Variants in ZC3H3 observed in about 807,000 individuals in gnomAD.
The protein encoded by ZC3H3 is zinc finger CCCH domain-containing protein 3.
A neutral mutation model predicts 77.3 loss-of-function variants in ZC3H3; 36 were observed. That is an observed-to-expected ratio of 0.47 (90% CI 0.36 to 0.61). The LOEUF (loss-of-function observed/expected upper bound fraction) is 0.61, where lower values mean the gene tolerates loss of function less well. Ranked by LOEUF, ZC3H3 falls within the 20% of genes least tolerant of loss-of-function variation. ZC3H3 has a pLI of 0.00. For missense variants in ZC3H3, 1,331 were observed against 1,312.2 expected, an observed-to-expected ratio of 1.01 and a Z score of -0.22; for synonymous variants, 626 against 555.2, an observed-to-expected ratio of 1.13 and a Z score of -1.79.
At chr8:143,439,671 A>G (rs1373407904) in intron 11 of ZC3H3, among the ~76,000 whole-genome samples, 1 of 152,224 alleles carries the variant, frequency 6.6e-6, no homozygotes, top group African/African-American at 2.4e-5. Flanking sequence ...GGCCACCGCT[A>G]CACTCGCACC....
rs1424206386 is a variant in ZC3H3, at chr8:143,541,442, G to T, written c.-21C>A. The T allele has an allele frequency of 5.6e-6, 9 of 1,611,572 alleles. No homozygotes were observed. Among genetic ancestry groups the T allele is most frequent in the South Asian group, 1.1e-5 (1 of 90,874 alleles). Reference sequence around the variant, plus strand: ...TCCATCTCCCGAGTCCGCGACGGCCGGCCAGGCCCCCACGACGTCATCGCT... The same window carrying T: ...TCCATCTCCCGAGTCCGCGACGGCCTGCCAGGCCCCCACGACGTCATCGCT... On this transcript the variant is annotated 5_prime_UTR_variant, in exon 1 of 12. Transcript: ENST00000262577.
chr8:143,446,471 TA>T (rs1819865461), intron 9 of ZC3H3, among the ~76,000 whole-genome samples: 1 of 152,118 alleles, frequency 6.6e-6, no homozygotes. Flanking sequence ...TCTGAGTCAG[TA>T]AGAATCAAAC....
intron 4 of ZC3H3, 141 bp downstream of exon 4, chr8:143,507,605 C>G (rs1821741697): frequency 1.9e-6 from 2 of 1,036,804 alleles, no homozygotes; most frequent in South Asian, 2.9e-5. Flanking sequence ...CAGGCTGGTC[C>G]CCAGCCAACG....
chr8:143,477,075 T>C (rs1820755337), intron 4 of ZC3H3, among the ~76,000 whole-genome samples: 1 of 152,112 alleles, frequency 6.6e-6, no homozygotes, highest in Non-Finnish European at 1.5e-5. Flanking sequence ...TCTGTCGGGT[T>C]CCACCGCCAT....
chr8:143,461,844 G>T (rs964062654), intron 9 of ZC3H3, among the ~76,000 whole-genome samples: 1 of 152,008 alleles, frequency 6.6e-6, no homozygotes, highest in East Asian at 1.9e-4. Context: ...GGGAATTCTG[G>T]GGGGCGATGA....
chr8:143,512,926 C>T (rs568721027), intron 3 of ZC3H3, among the ~76,000 whole-genome samples: 1 of 152,302 alleles, frequency 6.6e-6, no homozygotes, highest in Non-Finnish European at 1.5e-5. Context: ...CCAGGAGAGC[C>T]GAGCCTGCCT....
intron 4 of ZC3H3, among the ~76,000 whole-genome samples, chr8:143,487,734 G>A (rs1370479986): frequency 4.8e-5 from 1 of 20,846 alleles, no homozygotes; most frequent in African/African-American, 2.0e-4. Context: ...CCATCACCAC[G>A]AAGCTCAGAC....
chr8:143,505,137 TGG>T (rs1821648666), intron 4 of ZC3H3, among the ~76,000 whole-genome samples: 2 of 152,172 alleles, frequency 1.3e-5, no homozygotes, highest in East Asian at 3.9e-4. Flanking sequence ...CCAGGACTGC[TGG>T]GGCTTGCCCG....
Position 143,538,600 on chromosome 8 carries a change from G to A in ZC3H3, c.767C>T (p.Ala256Val), listed in dbSNP as rs773728270. 2 of 1,610,036 alleles carry A rather than the reference G, an allele frequency of 1.2e-6. No homozygotes were observed. Among genetic ancestry groups the A allele is most frequent in the South Asian group, 1.1e-5 (1 of 91,086 alleles). Residue 256 changes from alanine to valine, a missense_variant, in exon 2 of 12, where the codon GCT becomes GTT. Coordinates refer to ENST00000262577, the MANE Select transcript of ZC3H3 (RefSeq NM_015117.3). Reference sequence around the variant, plus strand: ...TCTCCTGTCCCCAAGGAGCTGTGGAGCACAGCTGGCCACGGAATGAGAACC... The same window carrying A: ...TCTCCTGTCCCCAAGGAGCTGTGGAACACAGCTGGCCACGGAATGAGAACC... Reference protein sequence around the residue: ...KLGSHSVASCAPQLLGDRRVD... With the variant: ...KLGSHSVASCVPQLLGDRRVD...
chr8:143,535,293 C>T (rs894767600), intron 3 of ZC3H3, among the ~76,000 whole-genome samples: 2 of 152,208 alleles, frequency 1.3e-5, no homozygotes, highest in African/African-American at 4.8e-5. Flanking sequence ...CCCACCTTGG[C>T]CTCCCAAAGA....
chr8:143,437,930 G>T lies in ZC3H3; in HGVS notation c.*126C>A. ...TTGAGGGCCAGGCAGGCAGAGCAGT[G>T]TCCCTGTGGCCCCCAGGTGAGGCTT... On this transcript the variant is annotated 3_prime_UTR_variant, in exon 12 of 12. Transcript: ENST00000262577. 1 of 1,320,966 alleles carries T rather than the reference G, an allele frequency of 7.6e-7. No homozygotes were observed. The highest frequency in any genetic ancestry group is 1.1e-6 in the Non-Finnish European group (1 of 940,876). The allele number at this position is 1,320,966 out of a possible 1,614,324, so 81.8% of individuals were successfully genotyped here.
In ZC3H3 at chr8:143,465,773, G is replaced by A. The variant is rs778518296; in HGVS notation, c.2251C>T (p.Arg751Cys). The change falls in exon 9 of 12, where the codon CGC becomes TGC. Residue 751 changes from arginine to cysteine, a missense_variant. Around this residue, in one of 3 missense-constraint regions of ZC3H3, gnomAD observed 104 missense variants for 159.7 expected, o/e 0.65. Coordinates refer to ENST00000262577, the MANE Select transcript of ZC3H3 (RefSeq NM_015117.3). ...NCPYSHVYVS[R>C]KAEVCSDFLK... ...AAGTCGCTGCAGACCTCGGCCTTGCGGGACACGTACACGTGGCTATAGGGA... is the reference window on the plus strand; with the variant it reads ...AAGTCGCTGCAGACCTCGGCCTTGCAGGACACGTACACGTGGCTATAGGGA... The A allele has an allele frequency of 4.3e-6, 7 of 1,613,788 alleles. No individual in the cohort carries two copies. In the African/African-American group the frequency reaches 5.3e-5, roughly 12 times the overall value.
chr8:143,455,134 T>C (rs1820081943), intron 9 of ZC3H3, among the ~76,000 whole-genome samples: 1 of 151,752 alleles, frequency 6.6e-6, no homozygotes, highest in Non-Finnish European at 1.5e-5. Context: ...GCCAACACAG[T>C]GAAACCCCAT....
Position 143,465,699 on chromosome 8 carries a change from C to T in ZC3H3, c.2307+18G>A. The T allele has an allele frequency of 1.2e-6, 2 of 1,612,852 alleles. No individual in the cohort carries two copies. Among genetic ancestry groups the T allele is most frequent in the African/African-American group, 1.3e-5 (1 of 75,060 alleles). ...GCCACAGGAACCCCGCCCACTCGGGCCCCCACAGACCACTCACCTTTGCAC... is the reference window on the plus strand; with the variant it reads ...GCCACAGGAACCCCGCCCACTCGGGTCCCCACAGACCACTCACCTTTGCAC... On this transcript the variant is annotated intron_variant, in intron 9 of 11. Transcript: ENST00000262577.
rs1475068356 is a variant in ZC3H3, at chr8:143,538,496, G to C, written c.871C>G (p.Gln291Glu). The change falls in exon 2 of 12, where the codon CAG (glutamine) becomes GAG (glutamate). Residue 291 changes from glutamine (Q) to glutamate (E), a missense_variant. This residue lies in a region of ZC3H3 where 978 missense variants were observed against 915.5 expected (regional missense o/e 1.07). Transcript: ENST00000262577. ...ACAACCAGCGAGGCCTCCCGGGCCT[G>C]CCTGGGTCCTGAGGCCGGTCTGGCG... Reference protein sequence around the residue: ...GPARPASGPRQAREASLVVTC... With the variant: ...GPARPASGPREAREASLVVTC... The C allele has an allele frequency of 1.2e-6, 2 of 1,612,782 alleles. No homozygotes were observed. Among genetic ancestry groups the C allele is most frequent in the Non-Finnish European group, 8.5e-7 (1 of 1,180,024 alleles).
chr8:143,473,787 T>C (rs1006757904), intron 5 of ZC3H3, among the ~76,000 whole-genome samples: 24 of 152,314 alleles, frequency 1.6e-4, no homozygotes, highest in African/African-American at 5.5e-4. Context: ...GCTCCACTGG[T>C]CAGGGTCCCT....
At position 143,493,832 on chromosome 8, in the gene ZC3H3, C is replaced by T. The variant is rs972998920; in HGVS notation, c.1715+13914G>A. Among the ~76,000 whole-genome samples, 4 of 152,180 alleles carry T rather than the reference C, an allele frequency of 2.6e-5. No individual in the cohort carries two copies. The highest frequency in any genetic ancestry group is 2.0e-4 in the Admixed American group (3 of 15,272). ...AGAGGCCAGTAATATTTTATATAAT[C>T]GCCGAGTGGTTTAAATTGAAAACCC... On this transcript the variant is annotated intron_variant, in intron 4 of 11. Coordinates refer to ENST00000262577, the MANE Select transcript of ZC3H3 (RefSeq NM_015117.3). The surrounding 1 kb of genome is among the most constrained non-coding windows in gnomAD (Gnocchi z 4.8).
intron 4 of ZC3H3, among the ~76,000 whole-genome samples, chr8:143,491,435 G>A (rs1022892847): frequency 6.6e-6 from 1 of 152,246 alleles, no homozygotes; most frequent in Non-Finnish European, 1.5e-5. Flanking sequence ...CCATAACAGG[G>A]ACAGGGACAG....
chr8:143,471,870 C>T (rs1383224079), intron 5 of ZC3H3, among the ~76,000 whole-genome samples: 2 of 152,250 alleles, frequency 1.3e-5, no homozygotes, highest in Non-Finnish European at 2.9e-5. Context: ...GGCTGGTCAG[C>T]GGTATCCCAC....
Sources: allele counts gnomAD v4.1 joint callset (sites outside exome capture counted in the v4.1 genomes callset), GRCh38; gene constraint gnomAD v4.1.1; regional missense constraint gnomAD v4.1.1; non-coding constraint Gnocchi (gnomAD v3.1); transcripts MANE v1.5; gene names NCBI Gene and HGNC (gene_info 2026-07-23, HGNC 2026-07-21).